Variants in CYP3A43 observed in about 807,000 individuals in gnomAD.
The protein encoded by CYP3A43 is cytochrome P450 3A43.
A neutral mutation model predicts 58.0 loss-of-function variants in CYP3A43; 45 were observed. The observed-to-expected ratio is 0.78, with a 90% CI of 0.61 to 0.99. The LOEUF (loss-of-function observed/expected upper bound fraction) is 0.99. Among genes scored for constraint, CYP3A43 ranks in the 50% least tolerant of loss-of-function variants. CYP3A43 has a pLI of 0.00. For missense variants in CYP3A43, 593 were observed against 591.9 expected (o/e 1.00, Z -0.02); for synonymous variants, 191 against 201.4 (o/e 0.95, Z 0.44).
At chr7:99,838,771 G>A (rs1004561508) in intron 2 of CYP3A43, 8 of 810,274 alleles carry the variant, frequency 9.9e-6, no homozygotes, top group Admixed American at 9.2e-5. Flanking sequence ...CCTAAGGTCA[G>A]GAGTTCGAGA....
chr7:99,839,410 T>A (rs1817238616), intron 3 of CYP3A43: 1 of 683,908 alleles, frequency 1.5e-6, no homozygotes, highest in African/African-American at 1.8e-5. Context: ...ATAAAATCTT[T>A]GAGACCCTAA....
intron 6 of CYP3A43, 125 bp downstream of exon 6, chr7:99,848,379 C>T (rs942936249): frequency 9.0e-6 from 8 of 886,984 alleles, no homozygotes; most frequent in Non-Finnish European, 1.4e-5. Flanking sequence ...GGTGTTGCAA[C>T]TCCAATAGGC....
At chr7:99,857,640 C>T (rs767039921) in intron 9 of CYP3A43, among the ~76,000 whole-genome samples, 4 of 152,028 alleles carry the variant, frequency 2.6e-5, no homozygotes, top group Non-Finnish European at 4.4e-5. Flanking sequence ...GTCAGGAGTT[C>T]GAGACCAGCC....
At chr7:99,837,807 A>C (rs1446182215) in intron 2 of CYP3A43, among the ~76,000 whole-genome samples, 1 of 152,190 alleles carries the variant, frequency 6.6e-6, no homozygotes, top group Non-Finnish European at 1.5e-5. Flanking sequence ...ATGCTCCACC[A>C]AGGGCCTGGG....
At chr7:99,833,259 G>A (rs867967080) in intron 1 of CYP3A43, among the ~76,000 whole-genome samples, 4 of 152,128 alleles carry the variant, frequency 2.6e-5, no homozygotes, top group Admixed American at 6.6e-5. Flanking sequence ...CAGCCCAGTC[G>A]GATTAACATC....
intron 4 of CYP3A43, 99 bp downstream of exon 4, chr7:99,844,341 T>C: frequency 9.0e-7 from 1 of 1,105,090 alleles, no homozygotes; most frequent in Non-Finnish European, 1.3e-6. Context: ...AAGTGCTTTA[T>C]ACTTCGTCCT....
At chr7:99,858,626 G>T (rs1201956298) in intron 9 of CYP3A43, among the ~76,000 whole-genome samples, 1 of 151,398 alleles carries the variant, frequency 6.6e-6, no homozygotes, top group Non-Finnish European at 1.5e-5. Context: ...TTTCATGTTG[G>T]CCAATGCCCA....
At chr7:99,838,598 A>G (rs900276261) in intron 2 of CYP3A43, 3 of 1,143,220 alleles carry the variant, frequency 2.6e-6, no homozygotes, top group Admixed American at 2.6e-5. Flanking sequence ...CAATATCTAC[A>G]CTAGTTAGAG....
At chr7:99,864,148 G>A (rs553044505) in intron 12 of CYP3A43, among the ~76,000 whole-genome samples, 11 of 148,402 alleles carry the variant, frequency 7.4e-5, no homozygotes, top group South Asian at 2.1e-4. Context: ...TCACTGGGGA[G>A]CTTCAAAAAT....
intron 12 of CYP3A43, among the ~76,000 whole-genome samples, chr7:99,865,069 T>C (rs1818391970): frequency 6.7e-6 from 1 of 148,480 alleles, no homozygotes; most frequent in South Asian, 2.1e-4. Context: ...TTAGGGAAGC[T>C]GTACATCCAT....
intron 10 of CYP3A43, 77 bp downstream of exon 10, chr7:99,860,067 C>T (rs1159754578): frequency 2.0e-6 from 3 of 1,508,402 alleles, no homozygotes; most frequent in Non-Finnish European, 2.7e-6. Flanking sequence ...CTTGCCAGGA[C>T]AATTTTTGCA....
At position 99,839,163 on chromosome 7, in the gene CYP3A43, A is replaced by G. The variant is rs1298198848; in HGVS notation, c.209A>G (p.Glu70Gly). 1 of 1,614,068 alleles carries G rather than the reference A, an allele frequency of 6.2e-7. No homozygotes were observed. The highest frequency in any genetic ancestry group is 8.5e-7 in the Non-Finnish European group (1 of 1,180,008). Reference protein sequence around the residue: ...FDRECNEKYGEMWGLYEGQQP... With the variant: ...FDRECNEKYGGMWGLYEGQQP... ...AGAGAATGTAATGAAAAATACGGAG[A>G]AATGTGGGGGTGAGTATTCTGGAAA... The change falls in exon 3 of 13, where the codon GAA becomes GGA. Residue 70 changes from glutamate to glycine, a missense_variant. Transcript: ENST00000354829.
chr7:99,864,229 A>G (rs1409361130), intron 12 of CYP3A43, among the ~76,000 whole-genome samples: 1 of 148,550 alleles, frequency 6.7e-6, no homozygotes, highest in Admixed American at 6.6e-5. Context: ...AAGCTCTCCC[A>G]TTGGTCCTCA....
At chr7:99,858,208 T>C (rs1172551740) in intron 9 of CYP3A43, among the ~76,000 whole-genome samples, 1 of 152,238 alleles carries the variant, frequency 6.6e-6, no homozygotes, top group African/African-American at 2.4e-5. Flanking sequence ...TTCAATTCCA[T>C]GTCCTGGGGT....
chr7:99,839,426 C>T (rs1408967774), intron 3 of CYP3A43: 1 of 664,566 alleles, frequency 1.5e-6, no homozygotes, highest in Non-Finnish European at 2.8e-6. Context: ...CCTAAACTCA[C>T]TATGACAAAG....
chr7:99,861,748 A>T lies in CYP3A43; in HGVS notation c.1162A>T (p.Ile388Phe), dbSNP rs1372784531. The change falls in exon 11 of 13, where the codon ATT becomes TTT. Residue 388 changes from isoleucine to phenylalanine, a missense_variant. Physicochemically the swap from Ile to Phe is conservative, Grantham distance 21. Transcript: ENST00000354829. ...AGATATTGAAATCAATGGAGTGTTCATTCCCAAAGGGTTAGCAGTGATGGT... is the reference window on the plus strand; with the variant it reads ...AGATATTGAAATCAATGGAGTGTTCTTTCCCAAAGGGTTAGCAGTGATGGT... ...KKDIEINGVF[I>F]PKGLAVMVPI... 1.2e-6 allele frequency: 2 copies of T among 1,614,054 alleles called. No individual in the cohort carries two copies. Among genetic ancestry groups the T allele is most frequent in the African/African-American group, 2.7e-5 (2 of 74,928 alleles).
chr7:99,832,973 G>T (rs1488053713), intron 1 of CYP3A43, among the ~76,000 whole-genome samples: 1 of 152,170 alleles, frequency 6.6e-6, no homozygotes, highest in Admixed American at 6.5e-5. Flanking sequence ...AATCAGGAAA[G>T]AATCAATTAA....
At chr7:99,857,010 C>A in intron 9 of CYP3A43, 111 bp downstream of exon 9, 2 of 1,234,346 alleles carry the variant, frequency 1.6e-6, no homozygotes, top group Non-Finnish European at 2.3e-6. Context: ...TTCCACATTG[C>A]AGAAAGGCAC....
At chr7:99,844,545 A>G (rs117077404) in intron 4 of CYP3A43, among the ~76,000 whole-genome samples, 2 of 152,150 alleles carry the variant, frequency 1.3e-5, no homozygotes, top group African/African-American at 4.8e-5. Flanking sequence ...TTGCATGACT[A>G]TCAGCACAAT....
Sources: allele counts gnomAD v4.1 joint callset (sites outside exome capture counted in the v4.1 genomes callset), GRCh38; gene constraint gnomAD v4.1.1; transcripts MANE v1.5; gene names NCBI Gene and HGNC (gene_info 2026-07-23, HGNC 2026-07-21).